Variants in CPNE2 observed in about 807,000 individuals in gnomAD.
CPNE2 encodes copine 2, also known as copine-2.
Under a neutral mutation model 69.7 loss-of-function variants are expected in CPNE2, and 42 were observed. That is an observed-to-expected ratio of 0.60 (90% confidence interval 0.47 to 0.78). The LOEUF (loss-of-function observed/expected upper bound fraction) is 0.78, where lower values mean the gene tolerates loss of function less well. Among genes scored for constraint, CPNE2 ranks in the 30% least tolerant of loss-of-function variants. The pLI is 0.00. For synonymous variants in CPNE2, 294 were observed against 289.8 expected (o/e 1.01, Z -0.15); for missense variants, 587 against 732.0 (o/e 0.80, Z 2.29).
intron 10 of CPNE2, 134 bp from the exon 11 acceptor site, chr16:57,125,726 G>T: frequency 9.1e-7 from 1 of 1,099,790 alleles, no homozygotes; most frequent in South Asian, 1.6e-5. Context: ...CTAGGTTTCA[G>T]ACCATCTTAT....
intron 4 of CPNE2, 75 bp from the exon 5 acceptor site, chr16:57,117,421 T>TG (rs1322461695): frequency 5.4e-6 from 8 of 1,477,488 alleles, no homozygotes; most frequent in Non-Finnish European, 4.6e-6. Context: ...GGATTGCTCC[T>TG]GGGGCACCCT....
At chr16:57,121,797 G>A (rs1417060800) in intron 9 of CPNE2, 37 bp downstream of exon 9, 2 of 1,587,116 alleles carry the variant, frequency 1.3e-6, no homozygotes. Flanking sequence ...CAGGGGCCAG[G>A]TTTCAGGCCA....
At chr16:57,102,202 G>A (rs184920954) in intron 1 of CPNE2, among the ~76,000 whole-genome samples, 6 of 151,990 alleles carry the variant, frequency 3.9e-5, no homozygotes, top group East Asian at 3.9e-4. Context: ...CACCTGCCTC[G>A]GCCTCCCAAA....
intron 1 of CPNE2, 131 bp from the exon 2 acceptor site, chr16:57,110,577 T>C (rs1436815212): frequency 3.5e-5 from 18 of 516,006 alleles, no homozygotes; most frequent in Non-Finnish European, 5.7e-5. Context: ...CCTATGTTAT[T>C]TGACAACCCG....
rs150446442 is a variant in CPNE2, at chr16:57,110,826, G to C, written c.84G>C (p.Leu28=). 19 of 1,614,030 alleles carry C rather than the reference G, an allele frequency of 1.2e-5. No individual in the cohort carries two copies. The African/African-American group carries it at 2.1e-4, about 18-fold the overall frequency. Residue 28 remains leucine (L), a synonymous_variant, in exon 2 of 16, where the codon CTG becomes CTC. Transcript: ENST00000290776. ...AGTATTGCGTGTGCAAGGTGGAGCT[G>C]TCAGTGAGTGGCCAGAACCTACTGG... is the stretch of plus-strand genomic sequence containing the variant. ...GPQYCVCKVE[L]SVSGQNLLDR... is the part of the protein sequence containing the mutation.
chr16:57,125,099 C>G, intron 10 of CPNE2: 1 of 329,710 alleles, frequency 3.0e-6, no homozygotes, highest in South Asian at 2.3e-5. Context: ...CCCCGGGGTC[C>G]TACTTCTAAC....
chr16:57,146,416 A>C lies in CPNE2; in HGVS notation c.1539+95A>C, dbSNP rs1452806991. ...GAGAGTCTTGGGGTTGTCTGGCCCA[A>C]TCCTAGACTTCTCCACTCCATTGAC... On this transcript the variant is annotated intron_variant, in intron 15 of 15. Coordinates refer to ENST00000290776, the MANE Select transcript of CPNE2 (RefSeq NM_152727.6). The surrounding 1 kb of genome is among the most constrained non-coding windows in gnomAD (Gnocchi z 4.4). 5 of 1,059,668 alleles carry C rather than the reference A, an allele frequency of 4.7e-6. No homozygotes were observed. Among genetic ancestry groups the C allele is most frequent in the Non-Finnish European group, 6.8e-6 (5 of 732,562 alleles). 65.6% of individuals were successfully genotyped at this position (1,059,668 alleles called of 1,614,324 possible).
intron 4 of CPNE2, among the ~76,000 whole-genome samples, chr16:57,115,969 A>G (rs1359466062): frequency 6.6e-6 from 1 of 152,216 alleles, no homozygotes; most frequent in African/African-American, 2.4e-5. Context: ...GACTCCCAGA[A>G]GCCAGGGCCA....
intron 1 of CPNE2, among the ~76,000 whole-genome samples, chr16:57,097,021 A>G (rs2069582117): frequency 6.6e-6 from 1 of 152,082 alleles, no homozygotes; most frequent in African/African-American, 2.4e-5. Context: ...TCAGGAGCCC[A>G]TTCATTCATT....
chr16:57,111,109 AC>A (rs2069678728), intron 2 of CPNE2, among the ~76,000 whole-genome samples, 187 bp downstream of exon 2: 1 of 99,720 alleles, frequency 1.0e-5, no homozygotes, highest in Non-Finnish European at 1.9e-5. Context: ...TTAAAATATT[AC>A]TTTGTGTTTA....
At position 57,137,136 on chromosome 16, in the gene CPNE2, T is replaced by A; in HGVS notation, c.1169-13T>A. 1.2e-6 allele frequency: 2 copies of A among 1,613,208 alleles called. No homozygotes were observed. The highest frequency in any genetic ancestry group is 1.1e-5 in the South Asian group (1 of 91,034). On this transcript the variant is annotated splice_polypyrimidine_tract_variant and intron_variant, in intron 13 of 15. Coordinates refer to ENST00000290776, the MANE Select transcript of CPNE2 (RefSeq NM_152727.6). ...GGGAGACCTGGCTGATCCAGACTCTTCTCCCGAGGCAGGTGTGGATGGTAT... is the reference window on the plus strand; with the variant it reads ...GGGAGACCTGGCTGATCCAGACTCTACTCCCGAGGCAGGTGTGGATGGTAT...
intron 12 of CPNE2, 146 bp from the exon 13 acceptor site, chr16:57,134,629 G>A (rs143853569): frequency 3.8e-6 from 3 of 785,036 alleles, no homozygotes; most frequent in East Asian, 2.5e-5. Flanking sequence ...AAGCAGATGT[G>A]GGGGGTATCA....
chr16:57,112,620 G>A (rs1219211909), intron 2 of CPNE2, among the ~76,000 whole-genome samples: 2 of 152,164 alleles, frequency 1.3e-5, no homozygotes, highest in Admixed American at 6.5e-5. Flanking sequence ...GCCAGGAGGC[G>A]GGTTTCCTGT....
chr16:57,136,012 A>G (rs1386632063), intron 13 of CPNE2, among the ~76,000 whole-genome samples: 2 of 133,538 alleles, frequency 1.5e-5, no homozygotes, highest in Non-Finnish European at 3.2e-5. Context: ...GGAAAGGAGG[A>G]AGGGAGGGAG....
At chr16:57,136,416 C>A (rs2069881671) in intron 13 of CPNE2, among the ~76,000 whole-genome samples, 1 of 152,194 alleles carries the variant, frequency 6.6e-6, no homozygotes, top group African/African-American at 2.4e-5. Context: ...CGAACAGAAG[C>A]CATAGCATGT....
At chr16:57,145,036 C>T (rs534024918) in intron 14 of CPNE2, 1 of 152,232 alleles carries the variant, frequency 6.6e-6, no homozygotes, top group African/African-American at 2.4e-5. Flanking sequence ...AGGCACACCC[C>T]GGCCCCACTT....
chr16:57,117,400 C>T (rs2069727087), intron 4 of CPNE2, 96 bp from the exon 5 acceptor site: 1 of 1,280,594 alleles, frequency 7.8e-7, no homozygotes, highest in Non-Finnish European at 1.1e-6. Flanking sequence ...CTTCCCCCTC[C>T]TAGCCCTGGA....
At chr16:57,113,227 C>G in intron 2 of CPNE2, 61 bp from the exon 3 acceptor site, 1 of 1,492,984 alleles carries the variant, frequency 6.7e-7, no homozygotes, top group Non-Finnish European at 9.2e-7. Context: ...TTTCCAGCAG[C>G]CTGCGAGGTC....
At chr16:57,119,097 C>G in intron 5 of CPNE2, 98 bp from the exon 6 acceptor site, 1 of 1,091,572 alleles carries the variant, frequency 9.2e-7, no homozygotes, top group Non-Finnish European at 1.4e-6. Context: ...CAGCTCCTAT[C>G]CTGACACCCG....
Sources: gnomAD v4.1 joint callset for allele counts (sites outside exome capture counted in the v4.1 genomes callset) on GRCh38, gnomAD v4.1.1 for gene constraint, Gnocchi (gnomAD v3.1) non-coding constraint, MANE v1.5 for transcripts, NCBI Gene and HGNC (gene_info 2026-07-23, HGNC 2026-07-21) for gene names.